The following AVEN variants were observed in gnomAD, a reference collection of about 807,000 sequenced individuals.
AVEN encodes the protein apoptosis and caspase activation inhibitor.
In AVEN, 41 loss-of-function variants were observed where a neutral mutation model predicts 38.1. The ratio of observed to expected loss-of-function variants is 1.08; its 90% confidence interval spans 0.84 to 1.40. The LOEUF is 1.40. Among genes scored for constraint, AVEN ranks in the 40% most tolerant of loss-of-function variants. The pLI is 0.00. For missense variants in AVEN, 605 were observed against 438.8 expected (o/e 1.38, Z -3.38); for synonymous variants, 206 against 171.8 (o/e 1.20, Z -1.56).
At chr15:33,978,707 A>T (rs1222277951) in intron 2 of AVEN, among the ~76,000 whole-genome samples, 1 of 152,072 alleles carries the variant, frequency 6.6e-6, no homozygotes, top group Admixed American at 6.6e-5. Flanking sequence ...AATAAAATTA[A>T]GGTGTACAAA....
At chr15:34,064,025 A>G in intron 4 of AVEN, 1 of 1,614,194 alleles carries the variant, frequency 6.2e-7, no homozygotes, top group Non-Finnish European at 8.5e-7. Flanking sequence ...TCCTAGTCAA[A>G]GAGAGGAAAG....
At chr15:33,911,648 A>C (rs1164833625) in intron 2 of AVEN, among the ~76,000 whole-genome samples, 1 of 152,248 alleles carries the variant, frequency 6.6e-6, no homozygotes, top group Non-Finnish European at 1.5e-5. Flanking sequence ...GAGACTGTTA[A>C]AAAGCAAAAT....
At chr15:33,875,873 C>T in intron 3 of AVEN, 52 bp downstream of exon 3, 3 of 1,492,956 alleles carry the variant, frequency 2.0e-6, no homozygotes, top group South Asian at 2.3e-5. Flanking sequence ...AAGGTGTTAG[C>T]CTTCAGCCTT....
chr15:33,976,926 T>A (rs989953057), intron 2 of AVEN, among the ~76,000 whole-genome samples: 18 of 152,270 alleles, frequency 1.2e-4, no homozygotes, highest in Admixed American at 3.9e-4. Flanking sequence ...ACATCCTGGA[T>A]GGAAGTAAAA....
At chr15:34,062,704 A>T (rs972698566) in intron 5 of AVEN, 2 of 1,593,392 alleles carry the variant, frequency 1.3e-6, no homozygotes, top group South Asian at 1.1e-5. Flanking sequence ...TTACTGTAAA[A>T]TTTTTGCACC....
chr15:34,061,489 T>C (rs1015078412), intron 5 of AVEN, among the ~76,000 whole-genome samples: 4 of 152,210 alleles, frequency 2.6e-5, no homozygotes, highest in African/African-American at 4.8e-5. Context: ...AAATAATTAT[T>C]AGTATATGCA....
chr15:33,909,036 TACC>T (rs1475644231), intron 2 of AVEN, among the ~76,000 whole-genome samples: 1 of 152,228 alleles, frequency 6.6e-6, no homozygotes, highest in Non-Finnish European at 1.5e-5. Context: ...AGTGGTTTTC[TACC>T]ACTCTGAGCT....
chr15:34,029,347 A>G (rs370074265), intron 1 of AVEN, among the ~76,000 whole-genome samples: 5 of 152,280 alleles, frequency 3.3e-5, no homozygotes, highest in African/African-American at 1.2e-4. Context: ...TCTTAATTCA[A>G]TAATTCCCTT....
chr15:34,062,914 A>G, intron 5 of AVEN: 2 of 1,614,158 alleles, frequency 1.2e-6, no homozygotes, highest in Non-Finnish European at 1.7e-6. Context: ...ACAGTTAACA[A>G]CTATTACCTG....
chr15:33,967,853 G>A (rs1215031224), intron 2 of AVEN, among the ~76,000 whole-genome samples: 3 of 149,994 alleles, frequency 2.0e-5, no homozygotes, highest in Non-Finnish European at 4.4e-5. Context: ...TTAAAAGTTT[G>A]TATCAAATGA....
At chr15:33,920,209 AATGTGCC>A (rs1195649467) in intron 2 of AVEN, among the ~76,000 whole-genome samples, 4 of 152,140 alleles carry the variant, frequency 2.6e-5, no homozygotes, top group African/African-American at 9.7e-5. Flanking sequence ...CATCACATAA[AATGTGCC>A]ATCTTAAACA....
intron 2 of AVEN, among the ~76,000 whole-genome samples, chr15:33,917,426 CTATA>C (rs1445658945): frequency 4.1e-5 from 6 of 147,812 alleles, no homozygotes; most frequent in African/African-American, 1.5e-4. Context: ...TATACACACA[CTATA>C]TATATACACA....
chr15:34,045,584 C>G (rs1202489753), intron 5 of AVEN, among the ~76,000 whole-genome samples: 1 of 152,064 alleles, frequency 6.6e-6, no homozygotes, highest in Non-Finnish European at 1.5e-5. Context: ...ACAATATGAG[C>G]TGGTTATCAT....
chr15:33,976,589 T>G (rs546935501), intron 2 of AVEN, among the ~76,000 whole-genome samples: 70 of 152,192 alleles, frequency 4.6e-4, no homozygotes, highest in Non-Finnish European at 8.5e-4. Flanking sequence ...AGGAACTGGT[T>G]AAAATTTATA....
At chr15:33,876,107 G>A (rs544704908) in intron 2 of AVEN, 112 bp from the exon 3 acceptor site, 121 of 885,816 alleles carry the variant, frequency 1.4e-4, no homozygotes, top group Middle Eastern at 4.4e-4. Context: ...AAACTCAAAG[G>A]GAGAGGCAAG....
At chr15:33,857,203 C>A (rs549356412), downstream of AVEN, among the ~76,000 whole-genome samples, 1 of 150,766 alleles carries the variant, frequency 6.6e-6, no homozygotes, top group Non-Finnish European at 1.5e-5. Flanking sequence ...AATGTCTTTT[C>A]GACAGTTCTG....
At chr15:33,995,933 G>T (rs1896914590) in intron 2 of AVEN, among the ~76,000 whole-genome samples, 1 of 152,206 alleles carries the variant, frequency 6.6e-6, no homozygotes, top group Non-Finnish European at 1.5e-5. Flanking sequence ...CTAGCCAAGG[G>T]AAGCCATGAC....
At chr15:33,861,634 C>G (rs1888262779), downstream of AVEN, among the ~76,000 whole-genome samples, 1 of 152,178 alleles carries the variant, frequency 6.6e-6, no homozygotes, top group Non-Finnish European at 1.5e-5. Context: ...CTGTGAACCT[C>G]CTACTGGCAG....
chr15:33,869,016 T>C (rs1890823416), intron 4 of AVEN, among the ~76,000 whole-genome samples: 1 of 152,182 alleles, frequency 6.6e-6, no homozygotes, highest in African/African-American at 2.4e-5. Context: ...GGTTCAGAAG[T>C]TCAACCTCTA....
Sources: allele counts gnomAD v4.1 joint callset (sites outside exome capture counted in the v4.1 genomes callset), GRCh38; gene constraint gnomAD v4.1.1; transcripts MANE v1.5; gene names NCBI Gene and HGNC (gene_info 2026-07-23, HGNC 2026-07-21).